Variants in CDH18 observed in about 807,000 individuals in gnomAD.
CDH18 encodes the protein cadherin-18.
A neutral mutation model predicts 67.9 loss-of-function variants in CDH18; 31 were observed. The observed-to-expected ratio is 0.46, with a 90% CI of 0.34 to 0.62. The LOEUF is 0.62. CDH18 is among the 20% of genes least tolerant of loss of function. The pLI, the probability that CDH18 is intolerant of heterozygous loss-of-function variation, is 0.01. For missense variants in CDH18, 890 were observed against 975.5 expected, an observed-to-expected ratio of 0.91 and a Z score of 1.17; for synonymous variants, 362 against 347.2, an observed-to-expected ratio of 1.04 and a Z score of -0.48.
intron 2 of CDH18, among the ~76,000 whole-genome samples, chr5:19,914,613 G>C (rs1049821719): frequency 6.6e-6 from 1 of 151,680 alleles, no homozygotes; most frequent in African/African-American, 2.4e-5. Flanking sequence ...TAAATTTTTG[G>C]CTTTTAGTGT....
intron 2 of CDH18, among the ~76,000 whole-genome samples, chr5:19,902,423 C>T (rs1579507686): frequency 6.6e-6 from 1 of 152,032 alleles, no homozygotes; most frequent in African/African-American, 2.4e-5. Context: ...GGAAAGCCAG[C>T]TGCCCTTGTG....
intron 2 of CDH18, among the ~76,000 whole-genome samples, chr5:20,246,117 G>A (rs976781477): frequency 2.6e-5 from 4 of 152,056 alleles, no homozygotes; most frequent in Non-Finnish European, 5.9e-5. Context: ...AAAAGTAGTA[G>A]GACCAAACAA....
chr5:19,571,727 T>C lies in CDH18; in HGVS notation c.1105A>G (p.Met369Val), dbSNP rs145527725. 10 of 1,613,864 alleles carry C rather than the reference T, an allele frequency of 6.2e-6. No homozygotes were observed. In the African/African-American group the frequency reaches 1.2e-4, roughly 19 times the overall value. The stretch of plus-strand genomic sequence containing the variant: ...ACATCCCCAACAATGATCTTCAGCA[T>C]AGTAGCATCTTTAAAAGGACCCAAG... The part of the protein sequence containing the change: ...SHLGPFKDAT[M>V]LKIIVGDVDE... Residue 369 changes from methionine to valine, a missense_variant, in exon 8 of 13, where the codon ATG becomes GTG. Around this residue, in one of 2 missense-constraint regions of CDH18, gnomAD observed 656 missense variants for 668.1 expected, o/e 0.98. Transcript: ENST00000382275.
intron 2 of CDH18, among the ~76,000 whole-genome samples, chr5:20,248,694 G>T (rs1470105757): frequency 6.6e-6 from 1 of 152,178 alleles, no homozygotes; most frequent in Non-Finnish European, 1.5e-5. Flanking sequence ...CATGCTGATT[G>T]TTGGATGGCA....
chr5:20,202,234 A>C (rs1299431022), intron 2 of CDH18, among the ~76,000 whole-genome samples: 2 of 152,316 alleles, frequency 1.3e-5, no homozygotes, highest in Admixed American at 6.5e-5. Context: ...GGACACCTGT[A>C]AAAAACTTAA....
chr5:20,213,857 C>T (rs963637915), intron 2 of CDH18, among the ~76,000 whole-genome samples: 2 of 151,734 alleles, frequency 1.3e-5, no homozygotes, highest in Non-Finnish European at 2.9e-5. Flanking sequence ...ATCTTTTATA[C>T]GATTCTTAGT....
intron 1 of CDH18, among the ~76,000 whole-genome samples, chr5:20,543,080 T>C (rs925738466): frequency 1.3e-5 from 2 of 152,060 alleles, no homozygotes; most frequent in African/African-American, 4.8e-5. Flanking sequence ...TTTTAATAAA[T>C]GGCTTAACCT....
intron 2 of CDH18, among the ~76,000 whole-genome samples, chr5:20,026,084 G>A (rs1738870340): frequency 6.6e-6 from 1 of 152,086 alleles, no homozygotes; most frequent in South Asian, 2.1e-4. Context: ...AGAGCTACTT[G>A]TGCACCATTC....
intron 5 of CDH18, among the ~76,000 whole-genome samples, chr5:19,710,862 G>A (rs1169426343): frequency 6.6e-6 from 1 of 151,846 alleles, no homozygotes; most frequent in East Asian, 1.9e-4. Flanking sequence ...TTCATACAAG[G>A]CTATCATAAC....
chr5:20,206,670 A>C (rs1739917294), intron 2 of CDH18, among the ~76,000 whole-genome samples: 1 of 151,988 alleles, frequency 6.6e-6, no homozygotes, highest in South Asian at 2.1e-4. Flanking sequence ...ATATATATAC[A>C]TCCCACTGTG....
intron 1 of CDH18, among the ~76,000 whole-genome samples, chr5:20,545,382 G>T (rs1238781324): frequency 6.6e-6 from 1 of 152,176 alleles, no homozygotes. Flanking sequence ...TTTTCCCTCT[G>T]CATTGCCCTA....
At chr5:19,881,022 T>A (rs1028600714) in intron 2 of CDH18, among the ~76,000 whole-genome samples, 1 of 152,148 alleles carries the variant, frequency 6.6e-6, no homozygotes, top group African/African-American at 2.4e-5. Flanking sequence ...ATTCACACAG[T>A]TAATTATTTC....
chr5:19,636,580 A>G (rs982498831), intron 5 of CDH18, among the ~76,000 whole-genome samples: 1 of 151,904 alleles, frequency 6.6e-6, no homozygotes, highest in Non-Finnish European at 1.5e-5. Context: ...ATATACTGCT[A>G]CCTCTAATCT....
At chr5:20,173,865 C>T (rs926727275) in intron 2 of CDH18, among the ~76,000 whole-genome samples, 15 of 152,124 alleles carry the variant, frequency 9.9e-5, no homozygotes, top group Admixed American at 6.6e-4. Flanking sequence ...GAGAATATTA[C>T]GATTTTTAAG....
chr5:19,786,122 T>C (rs1775751932), intron 3 of CDH18, among the ~76,000 whole-genome samples: 1 of 152,146 alleles, frequency 6.6e-6, no homozygotes, highest in African/African-American at 2.4e-5. Flanking sequence ...TGAATGCATA[T>C]ATTACTTATG....
At chr5:20,412,160 A>T (rs10077116) in intron 1 of CDH18, among the ~76,000 whole-genome samples, 1 of 152,180 alleles carries the variant, frequency 6.6e-6, no homozygotes, top group African/African-American at 2.4e-5. Context: ...AACCAAAACA[A>T]CATGGGACCA....
intron 11 of CDH18, among the ~76,000 whole-genome samples, chr5:19,496,777 A>G (rs1742402930): frequency 7.5e-6 from 1 of 134,050 alleles, no homozygotes; most frequent in African/African-American, 2.9e-5. Context: ...GCACCACTGC[A>G]TTCCAGCTTA....
chr5:20,465,706 T>G (rs1751588089), intron 1 of CDH18, among the ~76,000 whole-genome samples: 1 of 152,020 alleles, frequency 6.6e-6, no homozygotes, highest in Non-Finnish European at 1.5e-5. Flanking sequence ...GTTTATGCAA[T>G]CTGAGTGAAT....
At chr5:20,056,388 TTTTG>T (rs371360068) in intron 2 of CDH18, among the ~76,000 whole-genome samples, 60 of 149,376 alleles carry the variant, frequency 4.0e-4, no homozygotes, top group African/African-American at 1.4e-3. Flanking sequence ...AAGCTGTTTT[TTTTG>T]TTTGTTTGTT....
Sources: allele counts gnomAD v4.1 joint callset (sites outside exome capture counted in the v4.1 genomes callset), GRCh38; gene constraint gnomAD v4.1.1; regional missense constraint gnomAD v4.1.1; transcripts MANE v1.5; gene names NCBI Gene and HGNC (gene_info 2026-07-23, HGNC 2026-07-21).